The following ZFYVE16 variants were observed in gnomAD, a reference collection of about 807,000 sequenced individuals.
The protein encoded by ZFYVE16 is zinc finger FYVE-type containing 16.
Under a neutral mutation model 138.1 loss-of-function variants are expected in ZFYVE16, and 89 were observed. The observed-to-expected ratio is 0.64, with a 90% CI of 0.54 to 0.77. ZFYVE16 has a LOEUF of 0.77. ZFYVE16 is among the 30% of genes least tolerant of loss of function. The probability of loss-of-function intolerance (pLI) is 0.00; values close to 1 mark genes in which losing one functional copy is unlikely to be tolerated. For missense variants in ZFYVE16, 1,793 were observed against 1,786.7 expected (o/e 1.00, Z -0.06); for synonymous variants, 596 against 618.3 (o/e 0.96, Z 0.53).
In ZFYVE16 at chr5:80,481,904, C is replaced by G. The variant is rs902002664; in HGVS notation, c.*4527C>G. Among the ~76,000 whole-genome samples, 2 of 152,186 alleles carry G rather than the reference C, an allele frequency of 1.3e-5. No individual in the cohort carries two copies. Among genetic ancestry groups the G allele is most frequent in the Admixed American group, 6.5e-5 (1 of 15,284 alleles). On this transcript the variant is annotated 3_prime_UTR_variant, in exon 19 of 19. Coordinates refer to ENST00000505560, the MANE Select transcript of ZFYVE16 (RefSeq NM_001284236.3). ...ATACAATCTTGGCTCACTGCAACCT[C>G]CACCCCCAGGGTGCAAGTGATTCTC...
intron 1 of ZFYVE16, among the ~76,000 whole-genome samples, chr5:80,414,948 G>A (rs552635547): frequency 9.7e-4 from 147 of 152,304 alleles, no homozygotes; most frequent in African/African-American, 2.9e-3. Flanking sequence ...GTTGGTAAGA[G>A]TTTTTCATTC....
intron 15 of ZFYVE16, 33 bp downstream of exon 15, chr5:80,459,527 TAG>T (rs763074539): frequency 9.0e-6 from 14 of 1,563,340 alleles, no homozygotes; most frequent in East Asian, 2.3e-5. Flanking sequence ...TGTTTTAATG[TAG>T]AGTTATTTTT....
intron 15 of ZFYVE16, among the ~76,000 whole-genome samples, chr5:80,471,337 C>T (rs1754355837): frequency 6.6e-6 from 1 of 152,188 alleles, no homozygotes; most frequent in African/African-American, 2.4e-5. Flanking sequence ...TTGCTAATCA[C>T]AGGTTATGGA....
chr5:80,446,619 T>C (rs1292980075), intron 7 of ZFYVE16, among the ~76,000 whole-genome samples: 1 of 152,182 alleles, frequency 6.6e-6, no homozygotes, highest in African/African-American at 2.4e-5. Context: ...GAAAGTGTCT[T>C]GGGGACCCCA....
chr5:80,462,329 GA>G (rs1451858196), intron 15 of ZFYVE16, among the ~76,000 whole-genome samples: 1 of 152,188 alleles, frequency 6.6e-6, no homozygotes, highest in Non-Finnish European at 1.5e-5. Flanking sequence ...GGTGGAAGGT[GA>G]AGGGGAAGCA....
At chr5:80,436,682 CT>C in intron 3 of ZFYVE16, 73 bp from the exon 4 acceptor site, 2 of 1,340,350 alleles carry the variant, frequency 1.5e-6, no homozygotes, top group South Asian at 3.1e-5. Flanking sequence ...GTTTAGAAGT[CT>C]TGGGAAACAT....
chr5:80,478,509 T>G lies in ZFYVE16; in HGVS notation c.*1132T>G, dbSNP rs1443329739. 1 of 152,024 alleles carries G rather than the reference T, an allele frequency of 6.6e-6. No individual in the cohort carries two copies. Among genetic ancestry groups the G allele is most frequent in the Non-Finnish European group, 1.5e-5 (1 of 67,934 alleles). 9.4% of individuals were successfully genotyped at this position (152,024 alleles called of 1,614,324 possible). ...CTCTTTACTTCAAACAGCAAAAAAG[T>G]GGGGGGCATATTGTAGTCCTGTCAT... On this transcript the variant is annotated 3_prime_UTR_variant, in exon 19 of 19. Transcript: ENST00000505560.
At chr5:80,435,574 C>CT (rs1168506201) in intron 3 of ZFYVE16, among the ~76,000 whole-genome samples, 4 of 152,018 alleles carry the variant, frequency 2.6e-5, no homozygotes, top group Admixed American at 2.0e-4. Flanking sequence ...AACTAAGTTT[C>CT]TTTTTTTTCT....
chr5:80,457,165 A>G lies in ZFYVE16; in HGVS notation c.3943+73A>G, dbSNP rs1752608704. The G allele has an allele frequency of 1.2e-5, 18 of 1,552,246 alleles. No individual in the cohort carries two copies. In the Middle Eastern group the frequency reaches 6.8e-4, roughly 58 times the overall value. ...ATAGAATTCCTTTCAAAGGGGAAAT[A>G]TATGTATATTTACTTATTTGCTGAA... On this transcript the variant is annotated intron_variant, in intron 14 of 18. Coordinates refer to ENST00000505560, the MANE Select transcript of ZFYVE16 (RefSeq NM_001284236.3).
chr5:80,448,110 A>T lies in ZFYVE16; in HGVS notation c.2809A>T (p.Ile937Phe). Residue 937 changes from isoleucine to phenylalanine, a missense_variant, in exon 8 of 19, where the codon ATT becomes TTT. This residue lies in a region of ZFYVE16 where 1,295 missense variants were observed against 1,204.3 expected (regional missense o/e 1.08). Transcript: ENST00000505560. ...AGGAGATATTACAAGAAATGAGATA[A>T]TTCAGAGTCCTATTTCTCAGGTTCC... is the stretch of plus-strand genomic sequence containing the variant. Reference protein sequence around the residue: ...ETGDITRNEIIQSPISQVPSV... With the variant: ...ETGDITRNEIFQSPISQVPSV... The T allele has an allele frequency of 6.2e-7, 1 of 1,613,976 alleles. No homozygotes were observed.
At chr5:80,444,755 T>TTA (rs903402130) in intron 6 of ZFYVE16, among the ~76,000 whole-genome samples, 74 of 151,310 alleles carry the variant, frequency 4.9e-4, no homozygotes, top group Middle Eastern at 3.4e-3. Context: ...CTTTTTTTCT[T>TTA]TATATATATA....
rs143074849 is a variant in ZFYVE16 at position 80,413,429 on chromosome 5, A to C, written c.-94+5276A>C. Among the ~76,000 whole-genome samples the C allele has an allele frequency of 6.1e-3, 911 of 148,162 alleles. 9 individuals are homozygous for C. The highest frequency in any genetic ancestry group is 0.021 in the African/African-American group (842 of 40,694). ...GAGGTTGCAGTGAGCTGAGATCGCG[A>C]TATTGCACTCCAGCTTGGGCAACAA... On this transcript the variant is annotated intron_variant, in intron 1 of 18. Coordinates refer to ENST00000505560, the MANE Select transcript of ZFYVE16 (RefSeq NM_001284236.3).
chr5:80,480,761 A>G lies in ZFYVE16; in HGVS notation c.*3384A>G, dbSNP rs1755237990. ...CACAGGGAGACACTGTCTCTGCAAA[A>G]TTAAAAAAATTTTGCCAGGTGTGGT... On this transcript the variant is annotated 3_prime_UTR_variant, in exon 19 of 19. Coordinates refer to ENST00000505560, the MANE Select transcript of ZFYVE16 (RefSeq NM_001284236.3). 6.6e-6 allele frequency among the ~76,000 whole-genome samples: 1 copy of G among 152,158 alleles called. No homozygotes were observed. The highest frequency in any genetic ancestry group is 2.4e-5 in the African/African-American group (1 of 41,432).
chr5:80,438,808 T>C lies in ZFYVE16; in HGVS notation c.2123T>C (p.Ile708Thr), dbSNP rs375321245. 3.0e-5 allele frequency: 49 copies of C among 1,613,960 alleles called. 1 individual carries two copies. In the South Asian group the frequency reaches 3.8e-4, roughly 13 times the overall value. The change falls in exon 4 of 19, where the codon ATA becomes ACA. Residue 708 changes from isoleucine to threonine, a missense_variant. Around this residue, in one of 2 missense-constraint regions of ZFYVE16, gnomAD observed 1,295 missense variants for 1,204.3 expected, o/e 1.08. Coordinates refer to ENST00000505560, the MANE Select transcript of ZFYVE16 (RefSeq NM_001284236.3). ...QVSFNSNYID[I>T]ESNSEGGSSF... ...AGCTTCAACTCTAATTACATTGATA[T>C]AGAAAGTAATTCTGAAGGTGGATCT... is the stretch of plus-strand genomic sequence containing the variant.
rs188947910 is a variant in ZFYVE16, at chr5:80,444,418, A to G, written c.2582-845A>G. 8.9e-4 allele frequency among the ~76,000 whole-genome samples: 134 copies of G among 150,506 alleles called. 1 individual carries two copies. The highest frequency in any genetic ancestry group is 3.0e-3 in the African/African-American group (122 of 41,330). On this transcript the variant is annotated intron_variant, in intron 6 of 18. Coordinates refer to ENST00000505560, the MANE Select transcript of ZFYVE16 (RefSeq NM_001284236.3). ...TTCAAATTTTTTCAGAGTTATCTTTATGATGTTCTGGAAAGCAGACATTGA... is the reference window on the plus strand; with the variant it reads ...TTCAAATTTTTTCAGAGTTATCTTTGTGATGTTCTGGAAAGCAGACATTGA...
intron 15 of ZFYVE16, among the ~76,000 whole-genome samples, chr5:80,465,396 C>CTTTTTTTTTTTTTTTTTTTTTTTTTTTTT (rs1187412933): frequency 3.8e-5 from 1 of 26,396 alleles, no homozygotes; most frequent in Non-Finnish European, 1.1e-4. Context: ...TTTTCCTTTT[C>CTTTTTTTTTTTTTTTTTTTTTTTTTTTTT]TTTGTTTTTT....
chr5:80,443,329 A>G, intron 6 of ZFYVE16, 45 bp downstream of exon 6: 2 of 1,574,842 alleles, frequency 1.3e-6, no homozygotes, highest in Admixed American at 2.0e-5. Flanking sequence ...AAATTATTGA[A>G]ATAGAAATTC....
chr5:80,427,844 C>T (rs7712536), intron 2 of ZFYVE16, among the ~76,000 whole-genome samples: 22,231 of 150,592 alleles, frequency 0.15, 1,940 homozygotes, highest in Middle Eastern at 0.24. Flanking sequence ...TGGTGGCGCA[C>T]GCCTGTAGTC....
chr5:80,431,506 G>A (rs1315986639), intron 2 of ZFYVE16, among the ~76,000 whole-genome samples: 1 of 152,122 alleles, frequency 6.6e-6, no homozygotes, highest in African/African-American at 2.4e-5. Flanking sequence ...AAAACTGGAA[G>A]CATTCCCTTT....
Sources: gnomAD v4.1 joint callset for allele counts (sites outside exome capture counted in the v4.1 genomes callset) on GRCh38, gnomAD v4.1.1 for gene constraint, gnomAD v4.1.1 regional missense constraint, MANE v1.5 for transcripts, NCBI Gene and HGNC (gene_info 2026-07-23, HGNC 2026-07-21) for gene names.